Variants in RHBDL3 observed in about 807,000 individuals in gnomAD.
The protein encoded by RHBDL3 is rhomboid like 3.
Under a neutral mutation model 48.2 loss-of-function variants are expected in RHBDL3, and 28 were observed. The ratio of observed to expected loss-of-function variants is 0.58; its 90% CI spans 0.43 to 0.80. The LOEUF is 0.80. Among genes scored for constraint, RHBDL3 ranks in the 30% least tolerant of loss-of-function variants. The pLI is 0.00. For missense variants in RHBDL3, 464 were observed against 542.7 expected, an observed-to-expected ratio of 0.85 and a Z score of 1.44; for synonymous variants, 208 against 232.3, an observed-to-expected ratio of 0.90 and a Z score of 0.95.
At chr17:32,296,352 T>TTG (rs1555589442) in intron 5 of RHBDL3, among the ~76,000 whole-genome samples, 12 of 144,064 alleles carry the variant, frequency 8.3e-5, no homozygotes, top group African/African-American at 2.9e-4. Context: ...TTTTTTTTTT[T>TTG]TGAGATGGAG....
At chr17:32,285,580 C>G (rs1302003490) in intron 3 of RHBDL3, among the ~76,000 whole-genome samples, 1 of 152,158 alleles carries the variant, frequency 6.6e-6, no homozygotes, top group Non-Finnish European at 1.5e-5. Flanking sequence ...ATTTCAGGGG[C>G]TGCTGTGGAC....
At chr17:32,309,947 C>T (rs886286563) in intron 7 of RHBDL3, among the ~76,000 whole-genome samples, 3 of 151,604 alleles carry the variant, frequency 2.0e-5, no homozygotes, top group African/African-American at 4.8e-5. Context: ...GCCTAGCTAA[C>T]CATGTTGCCC....
chr17:32,298,134 G>T lies in RHBDL3; in HGVS notation c.711G>T (p.Val237=). The change falls in exon 6 of 9, where the codon GTG becomes GTT. Residue 237 remains valine, a synonymous_variant. Transcript: ENST00000269051. ...LGLNVVLQLL[V]GVPLEMVHGA... ...TCAATGTGGTGCTGCAGCTGCTGGTGGGGGTGCCCCTGGAGATGGTGCATG... is the reference window on the plus strand; with the variant it reads ...TCAATGTGGTGCTGCAGCTGCTGGTTGGGGTGCCCCTGGAGATGGTGCATG... 1 of 1,613,948 alleles carries T rather than the reference G, an allele frequency of 6.2e-7. No individual in the cohort carries two copies. The highest frequency in any genetic ancestry group is 1.1e-5 in the South Asian group (1 of 91,046).
At chr17:32,319,993 C>A (rs1347644626) in intron 8 of RHBDL3, among the ~76,000 whole-genome samples, 3 of 151,988 alleles carry the variant, frequency 2.0e-5, no homozygotes, top group Admixed American at 6.6e-5. Flanking sequence ...TGTTACAGGT[C>A]TGGGTGTGGT....
intron 2 of RHBDL3, among the ~76,000 whole-genome samples, chr17:32,277,007 G>A (rs757345131): frequency 6.6e-6 from 1 of 152,196 alleles, no homozygotes; most frequent in Non-Finnish European, 1.5e-5. Context: ...CCTAGCACAC[G>A]TGCCTGTGCT....
At chr17:32,301,689 C>T (rs973604584) in intron 6 of RHBDL3, among the ~76,000 whole-genome samples, 1 of 152,100 alleles carries the variant, frequency 6.6e-6, no homozygotes, top group Non-Finnish European at 1.5e-5. Context: ...GGCATGATGG[C>T]AGCCACCTGT....
At chr17:32,311,810 T>A (rs1220856362) in intron 7 of RHBDL3, among the ~76,000 whole-genome samples, 1 of 152,258 alleles carries the variant, frequency 6.6e-6, no homozygotes, top group Non-Finnish European at 1.5e-5. Flanking sequence ...ATGCCTACTG[T>A]GTGCCAGGCA....
intron 4 of RHBDL3, among the ~76,000 whole-genome samples, chr17:32,289,975 T>A (rs182550270): frequency 6.6e-6 from 1 of 152,234 alleles, no homozygotes; most frequent in Admixed American, 6.5e-5. Flanking sequence ...TCCAAGTACA[T>A]GTTGAAGTTG....
chr17:32,321,334 G>A lies in RHBDL3; in HGVS notation c.*105G>A, dbSNP rs753064338. The A allele has an allele frequency of 1.3e-6, 2 of 1,568,076 alleles. No individual in the cohort carries two copies. The highest frequency in any genetic ancestry group is 1.7e-6 in the Non-Finnish European group (2 of 1,161,364). On this transcript the variant is annotated 3_prime_UTR_variant, in exon 9 of 9. Transcript: ENST00000269051. ...AGCTCAGCTAGGCCGGGCAGACAAGGACAGAAGACTCTGGGCCACTGTAAT... is the reference window on the plus strand; with the variant it reads ...AGCTCAGCTAGGCCGGGCAGACAAGAACAGAAGACTCTGGGCCACTGTAAT...
chr17:32,297,652 C>CT (rs71362824), intron 5 of RHBDL3, among the ~76,000 whole-genome samples: 1,528 of 51,004 alleles, frequency 0.03, 305 homozygotes, highest in Non-Finnish European at 0.036. Flanking sequence ...GTTGCTGGAT[C>CT]TTTTTTTTTT....
chr17:32,306,099 C>A (rs1416719117), intron 7 of RHBDL3, among the ~76,000 whole-genome samples: 1 of 152,150 alleles, frequency 6.6e-6, no homozygotes, highest in East Asian at 1.9e-4. Flanking sequence ...AAAATGAGGG[C>A]TTAAACCCGT....
At chr17:32,296,986 C>G (rs2150728917) in intron 5 of RHBDL3, among the ~76,000 whole-genome samples, 1 of 151,766 alleles carries the variant, frequency 6.6e-6, no homozygotes, top group African/African-American at 2.4e-5. Flanking sequence ...TCTCTAGTAG[C>G]TGGGAGTACA....
chr17:32,315,050 G>A (rs1350607758), intron 7 of RHBDL3, among the ~76,000 whole-genome samples: 1 of 152,258 alleles, frequency 6.6e-6, no homozygotes, highest in African/African-American at 2.4e-5. Flanking sequence ...AAGGCTGTGA[G>A]GATTTCCCCC....
Position 32,321,562 on chromosome 17 carries a change from G to A in RHBDL3, c.*333G>A, listed in dbSNP as rs1289698519. The A allele has an allele frequency of 8.6e-6, 4 of 464,004 alleles. No homozygotes were observed. The highest frequency in any genetic ancestry group is 2.0e-5 in the African/African-American group (1 of 50,662). 28.7% of individuals were successfully genotyped at this position (464,004 alleles called of 1,614,324 possible). A position where few individuals can be genotyped will look rare whatever the true frequency, so the allele number is the denominator to read the frequency against. On this transcript the variant is annotated 3_prime_UTR_variant, in exon 9 of 9. Coordinates refer to ENST00000269051, the MANE Select transcript of RHBDL3 (RefSeq NM_138328.3). The stretch of plus-strand genomic sequence containing the variant: ...GGCCAGGGGGTGCCCCCTCACTGCT[G>A]CGGATTGAGCAGCAGCTTCTTCCTC...
chr17:32,293,191 G>A (rs1432654163), intron 4 of RHBDL3, among the ~76,000 whole-genome samples: 1 of 151,742 alleles, frequency 6.6e-6, no homozygotes, highest in Non-Finnish European at 1.5e-5. Flanking sequence ...GGGCGTCATT[G>A]TTCAGTGGGT....
intron 4 of RHBDL3, among the ~76,000 whole-genome samples, chr17:32,291,068 C>T (rs1215276843): frequency 6.6e-6 from 1 of 150,918 alleles, no homozygotes; most frequent in Non-Finnish European, 1.5e-5. Context: ...CGTGGTGGCT[C>T]ACACCTGTAA....
chr17:32,300,561 A>G (rs1006658766), intron 6 of RHBDL3, among the ~76,000 whole-genome samples: 12 of 152,118 alleles, frequency 7.9e-5, no homozygotes, highest in African/African-American at 2.7e-4. Flanking sequence ...CTCAAAAAAG[A>G]AAAAAAGAAA....
chr17:32,268,014 C>T (rs972456666), intron 2 of RHBDL3, 89 bp downstream of exon 2: 4 of 992,178 alleles, frequency 4.0e-6, no homozygotes, highest in East Asian at 2.4e-5. Context: ...CCTAGCTCCG[C>T]GCTCCTGAGA....
At chr17:32,303,807 CT>C (rs2150738435) in intron 6 of RHBDL3, among the ~76,000 whole-genome samples, 1 of 152,220 alleles carries the variant, frequency 6.6e-6, no homozygotes, top group Admixed American at 6.5e-5. Context: ...CTGCCAGGTC[CT>C]TGGGTGCTCT....
Sources: allele counts gnomAD v4.1 joint callset (sites outside exome capture counted in the v4.1 genomes callset), GRCh38; gene constraint gnomAD v4.1.1; transcripts MANE v1.5; gene names NCBI Gene and HGNC (gene_info 2026-07-23, HGNC 2026-07-21).